The following SCUBE2 variants were observed in gnomAD, a reference collection of about 807,000 sequenced individuals.
SCUBE2 encodes signal peptide, CUB and EGF-like domain-containing protein 2.
A neutral mutation model predicts 125.9 loss-of-function variants in SCUBE2; 114 were observed. The observed-to-expected ratio is 0.91, with a 90% CI of 0.78 to 1.06. SCUBE2 has a LOEUF of 1.06. Ranked by LOEUF, SCUBE2 falls within the 50% of genes least tolerant of loss-of-function variation. SCUBE2 has a pLI of 0.00. For missense variants in SCUBE2, 1,255 were observed against 1,301.8 expected (o/e 0.96, Z 0.55); for synonymous variants, 459 against 492.9 (o/e 0.93, Z 0.91).
intron 19 of SCUBE2, among the ~76,000 whole-genome samples, chr11:9,029,256 G>C (rs1408039928): frequency 1.3e-5 from 2 of 152,190 alleles, no homozygotes; most frequent in African/African-American, 4.8e-5. Flanking sequence ...ATCCATCCGA[G>C]GCTTTGCCTC....
At chr11:9,066,868 C>A in intron 5 of SCUBE2, 55 bp from the exon 6 acceptor site, 1 of 1,393,020 alleles carries the variant, frequency 7.2e-7, no homozygotes, top group Middle Eastern at 1.8e-4. Context: ...AAACACAGGG[C>A]TGTGTTTGCT....
At chr11:9,083,548 A>G (rs372025441) in intron 2 of SCUBE2, among the ~76,000 whole-genome samples, 2 of 151,540 alleles carry the variant, frequency 1.3e-5, no homozygotes, top group African/African-American at 4.9e-5. Flanking sequence ...AAGAGAGAAT[A>G]GAATGAATTT....
chr11:9,067,378 GA>G (rs1860353270), intron 5 of SCUBE2, among the ~76,000 whole-genome samples: 2 of 152,094 alleles, frequency 1.3e-5, no homozygotes, highest in Non-Finnish European at 2.9e-5. Context: ...AGGCCAAAAA[GA>G]AAAAAAGCCA....
intron 14 of SCUBE2, among the ~76,000 whole-genome samples, chr11:9,049,108 A>G (rs1204102082): frequency 3.9e-5 from 6 of 152,344 alleles, no homozygotes; most frequent in Non-Finnish European, 1.5e-5. Flanking sequence ...AAAAGTTGCT[A>G]AGATAGTATA....
intron 7 of SCUBE2, among the ~76,000 whole-genome samples, chr11:9,062,061 C>T (rs147624588): frequency 2.6e-5 from 4 of 152,238 alleles, no homozygotes; most frequent in African/African-American, 9.6e-5. Context: ...GAAGTCTGGA[C>T]CAGAGAGGTA....
chr11:9,070,364 A>C (rs1006338689), intron 4 of SCUBE2, among the ~76,000 whole-genome samples: 4 of 152,220 alleles, frequency 2.6e-5, no homozygotes, highest in Non-Finnish European at 5.9e-5. Flanking sequence ...GTTTACCAGC[A>C]TTCTGCCTCA....
At chr11:9,037,559 C>T (rs1005665345) in intron 16 of SCUBE2, among the ~76,000 whole-genome samples, 3 of 152,228 alleles carry the variant, frequency 2.0e-5, no homozygotes, top group Non-Finnish European at 4.4e-5. Flanking sequence ...TTAAGAATCA[C>T]GCCTTGACTT....
intron 3 of SCUBE2, among the ~76,000 whole-genome samples, chr11:9,078,561 C>G (rs1861383887): frequency 6.6e-6 from 1 of 152,244 alleles, no homozygotes; most frequent in African/African-American, 2.4e-5. Context: ...AAGGGGGCGT[C>G]TGAATGGCTG....
At chr11:9,043,751 T>C (rs1405354665) in intron 16 of SCUBE2, among the ~76,000 whole-genome samples, 2 of 150,722 alleles carry the variant, frequency 1.3e-5, no homozygotes, top group Admixed American at 1.3e-4. Context: ...ACCACAGGCA[T>C]AAGACAGCAT....
rs1394439637 is a variant in SCUBE2, at chr11:9,020,310, G to A, written c.*735C>T. On this transcript the variant is annotated 3_prime_UTR_variant, in exon 23 of 23. Coordinates refer to ENST00000649792, the MANE Select transcript of SCUBE2 (RefSeq NM_001367977.2). Reference sequence around the variant, plus strand: ...AGAGTGTCAGAGGGCACAGCTGAAGGTGCGAGAGTCAGCATAGTGCATTTG... The same window carrying A: ...AGAGTGTCAGAGGGCACAGCTGAAGATGCGAGAGTCAGCATAGTGCATTTG... The A allele has an allele frequency of 2.6e-5, 4 of 152,434 alleles. No individual in the cohort carries two copies. The highest frequency in any genetic ancestry group is 1.3e-4 in the Admixed American group (2 of 15,292). The allele number at this position is 152,434 out of a possible 1,614,324, so 9.4% of individuals were successfully genotyped here. A position where few individuals can be genotyped will look rare whatever the true frequency, so the allele number is the denominator to read the frequency against.
At chr11:9,066,131 T>C in intron 6 of SCUBE2, 151 bp from the exon 7 acceptor site, 2 of 618,072 alleles carry the variant, frequency 3.2e-6, no homozygotes. Flanking sequence ...AATGAGGCTC[T>C]GTGGGAGACA....
chr11:9,047,202 C>CAA (rs1857864783), intron 16 of SCUBE2, among the ~76,000 whole-genome samples, 154 bp downstream of exon 16: 1 of 152,148 alleles, frequency 6.6e-6, no homozygotes, highest in Non-Finnish European at 1.5e-5. Flanking sequence ...ACGACAGACA[C>CAA]AAACGCAACA....
chr11:9,053,696 C>T lies in SCUBE2; in HGVS notation c.1271G>A (p.Ser424Asn). The T allele has an allele frequency of 1.2e-6, 2 of 1,614,180 alleles. No individual in the cohort carries two copies. The highest frequency in any genetic ancestry group is 2.2e-5 in the East Asian group (1 of 44,882). ...CQQVCVNTVG[S>N]YECQCHPGYK... Reference sequence around the variant, plus strand: ...CCCAGGGTGGCACTGGCATTCATAGCTGCCCACTGTGTTCACACAGACCTG... The same window carrying T: ...CCCAGGGTGGCACTGGCATTCATAGTTGCCCACTGTGTTCACACAGACCTG... Residue 424 changes from serine to asparagine, a missense_variant, in exon 11 of 23, where the codon AGC becomes AAC. This residue lies in a region of SCUBE2 where 378 missense variants were observed against 463.1 expected (regional missense o/e 0.82). Coordinates refer to ENST00000649792, the MANE Select transcript of SCUBE2 (RefSeq NM_001367977.2).
intron 4 of SCUBE2, among the ~76,000 whole-genome samples, chr11:9,071,737 G>A (rs1480881917): frequency 1.3e-5 from 2 of 152,222 alleles, no homozygotes; most frequent in Non-Finnish European, 1.5e-5. Context: ...TGAATTGGGA[G>A]GAAAACATGA....
chr11:9,068,160 C>T (rs1431246850), intron 5 of SCUBE2, among the ~76,000 whole-genome samples: 1 of 152,162 alleles, frequency 6.6e-6, no homozygotes, highest in Non-Finnish European at 1.5e-5. Context: ...ACCAGTGAAA[C>T]TGTCCCCTCA....
chr11:9,025,982 T>C, intron 20 of SCUBE2, 128 bp from the exon 21 acceptor site: 1 of 954,254 alleles, frequency 1.0e-6, no homozygotes, highest in South Asian at 1.8e-5. Flanking sequence ...CAGGCCCAGC[T>C]GAGCCATCAT....
chr11:9,033,054 C>T (rs905459122), intron 17 of SCUBE2, among the ~76,000 whole-genome samples: 4 of 152,060 alleles, frequency 2.6e-5, no homozygotes, highest in Admixed American at 2.0e-4. Flanking sequence ...CACAGAGTGT[C>T]AATACAGCCA....
In SCUBE2 at chr11:9,059,300, T is replaced by C; in HGVS notation, c.1090+3A>G. The C allele has an allele frequency of 6.2e-7, 1 of 1,613,964 alleles. No homozygotes were observed. The highest frequency in any genetic ancestry group is 8.5e-7 in the Non-Finnish European group (1 of 1,179,952). ...GCAGCACAGCTATGTTTTCAGCACATACCTTGGCAAGACTTCTCATCTGTT... is the reference window on the plus strand; with the variant it reads ...GCAGCACAGCTATGTTTTCAGCACACACCTTGGCAAGACTTCTCATCTGTT... On this transcript the variant is annotated splice_donor_region_variant and intron_variant, in intron 9 of 22. Coordinates refer to ENST00000649792, the MANE Select transcript of SCUBE2 (RefSeq NM_001367977.2).
chr11:9,054,726 T>TATATATATATATATATG (rs1491239911), intron 10 of SCUBE2, among the ~76,000 whole-genome samples: 1 of 28,436 alleles, frequency 3.5e-5, no homozygotes, highest in Non-Finnish European at 6.8e-5. Flanking sequence ...TATATATATA[T>TATATATATATATATATG]TTTTTTTTTT....
Sources: allele counts gnomAD v4.1 joint callset (sites outside exome capture counted in the v4.1 genomes callset), GRCh38; gene constraint gnomAD v4.1.1; regional missense constraint gnomAD v4.1.1; transcripts MANE v1.5; gene names NCBI Gene and HGNC (gene_info 2026-07-23, HGNC 2026-07-21).